Variants in RIMS2 observed in about 807,000 individuals in gnomAD.
RIMS2 encodes regulating synaptic membrane exocytosis protein 2.
RIMS2 carries 59 observed loss-of-function variants against 174.4 expected under a neutral mutation model. That is an observed-to-expected ratio of 0.34 (90% CI 0.27 to 0.42). The LOEUF is 0.42. Ranked by LOEUF, RIMS2 falls within the 10% of genes least tolerant of loss-of-function variation. RIMS2 has a pLI of 1.00. For missense variants in RIMS2, 1,620 were observed against 1,666.3 expected, an observed-to-expected ratio of 0.97 and a Z score of 0.48; for synonymous variants, 606 against 572.5, an observed-to-expected ratio of 1.06 and a Z score of -0.84.
chr8:103,697,242 C>G (rs1373003426), exon 2 of RIMS2: 2 of 1,613,738 alleles, frequency 1.2e-6, no homozygotes, highest in African/African-American at 1.3e-5. Flanking sequence ...GTTCATATTG[C>G]CAAACAAAGT....
chr8:103,727,053 T>G (rs1232610833), intron 2 of RIMS2, among the ~76,000 whole-genome samples: 1 of 151,766 alleles, frequency 6.6e-6, no homozygotes, highest in East Asian at 1.9e-4. Flanking sequence ...ATGTATTTCT[T>G]AATAATTTTA....
chr8:104,161,050 C>T (rs578217809), intron 19 of RIMS2, among the ~76,000 whole-genome samples: 4 of 152,284 alleles, frequency 2.6e-5, no homozygotes, highest in Admixed American at 2.0e-4. Context: ...ACTCTATCCT[C>T]CTACTCCATG....
chr8:103,757,529 G>T (rs891156169), intron 2 of RIMS2, among the ~76,000 whole-genome samples: 30 of 151,994 alleles, frequency 2.0e-4, no homozygotes, highest in Non-Finnish European at 3.8e-4. Context: ...TTCCACTTGT[G>T]CTATTGGGCT....
At chr8:104,164,854 T>A (rs983461525) in intron 19 of RIMS2, among the ~76,000 whole-genome samples, 9 of 152,126 alleles carry the variant, frequency 5.9e-5, no homozygotes, top group Admixed American at 4.6e-4. Context: ...TAATGGGTAC[T>A]AGGCTTAATA....
At chr8:103,642,904 C>T (rs2096258126) in intron 1 of RIMS2, among the ~76,000 whole-genome samples, 1 of 151,834 alleles carries the variant, frequency 6.6e-6, no homozygotes. Flanking sequence ...TTTTGATATT[C>T]ATCCTGTTTG....
At chr8:103,836,461 C>T (rs899971879) in intron 3 of RIMS2, among the ~76,000 whole-genome samples, 1 of 152,038 alleles carries the variant, frequency 6.6e-6, no homozygotes, top group Non-Finnish European at 1.5e-5. Context: ...GCTTGGGAGG[C>T]GGATGCAGGA....
At chr8:103,840,262 C>T (rs1172191589) in intron 3 of RIMS2, among the ~76,000 whole-genome samples, 1 of 152,130 alleles carries the variant, frequency 6.6e-6, no homozygotes, top group Non-Finnish European at 1.5e-5. Flanking sequence ...CTTGACTCCT[C>T]CAGTTTGTGG....
At chr8:103,931,860 T>C (rs1291718625) in intron 12 of RIMS2, among the ~76,000 whole-genome samples, 1 of 152,146 alleles carries the variant, frequency 6.6e-6, no homozygotes, top group Non-Finnish European at 1.5e-5. Context: ...CAAGTTGTTT[T>C]GTATCATCAC....
intron 3 of RIMS2, chr8:103,819,555 T>G (rs1015856731): frequency 6.2e-7 from 1 of 1,613,650 alleles, no homozygotes; most frequent in Non-Finnish European, 8.5e-7. Context: ...TTTTATCTCA[T>G]TTTCATGGGG....
chr8:104,000,768 G>C (rs1324761625), intron 17 of RIMS2, among the ~76,000 whole-genome samples: 1 of 151,798 alleles, frequency 6.6e-6, no homozygotes, highest in East Asian at 1.9e-4. Context: ...TGGGTGAAAT[G>C]ATATCTCATT....
intron 14 of RIMS2, among the ~76,000 whole-genome samples, chr8:103,944,085 C>T (rs1443710963): frequency 6.6e-6 from 1 of 151,958 alleles, no homozygotes; most frequent in African/African-American, 2.4e-5. Flanking sequence ...GAATTATTTT[C>T]ACTCCTTTTT....
intron 22 of RIMS2, 73 bp from the exon 29 acceptor site, chr8:104,250,950 TA>T (rs1229557858): frequency 3.0e-6 from 4 of 1,317,502 alleles, no homozygotes; most frequent in African/African-American, 2.9e-5. Flanking sequence ...ACTAAACTGG[TA>T]AATGTCACCG....
intron 1 of RIMS2, among the ~76,000 whole-genome samples, chr8:103,562,241 T>G (rs1181561071): frequency 6.6e-6 from 1 of 152,136 alleles, no homozygotes; most frequent in Non-Finnish European, 1.5e-5. Flanking sequence ...CAATCCAAAG[T>G]CTCATCTGAG....
intron 1 of RIMS2, among the ~76,000 whole-genome samples, chr8:103,502,906 A>G (rs1267468404): frequency 1.3e-5 from 2 of 152,032 alleles, no homozygotes; most frequent in Admixed American, 6.5e-5. Flanking sequence ...GACTTTAAGT[A>G]TTAGGATTAT....
chr8:104,117,758 A>C (rs1338672735), intron 19 of RIMS2, among the ~76,000 whole-genome samples: 8 of 152,182 alleles, frequency 5.3e-5, no homozygotes, highest in Non-Finnish European at 4.4e-5. Context: ...AGAAACCCTA[A>C]TATCTTAATG....
At chr8:104,095,864 C>T (rs1411601354) in intron 19 of RIMS2, among the ~76,000 whole-genome samples, 2 of 152,032 alleles carry the variant, frequency 1.3e-5, no homozygotes, top group African/African-American at 4.8e-5. Context: ...TAGAACTCTA[C>T]CCATTGAGTA....
rs1248379484 is a variant in RIMS2 at position 104,204,420 on chromosome 8, C to T, written c.3335-40496C>T. ...TTACTTAATCGAAAACCTGTCTTAACATGATGCTGTTATTTTAGTGTGTAG... is the reference window on the plus strand; with the variant it reads ...TTACTTAATCGAAAACCTGTCTTAATATGATGCTGTTATTTTAGTGTGTAG... On this transcript the variant is annotated intron_variant, in intron 19 of 23. Transcript: ENST00000504942. Among the ~76,000 whole-genome samples, 3 of 151,870 alleles carry T rather than the reference C, an allele frequency of 2.0e-5. No homozygotes were observed. In the Admixed American group the frequency reaches 2.0e-4, roughly 10 times the overall value.
chr8:103,609,577 T>C (rs1214069679), intron 1 of RIMS2, among the ~76,000 whole-genome samples: 5 of 152,154 alleles, frequency 3.3e-5, no homozygotes, highest in East Asian at 1.9e-4. Flanking sequence ...GCAAACACTA[T>C]AGTCAGTTAT....
intron 1 of RIMS2, among the ~76,000 whole-genome samples, chr8:103,651,265 G>A (rs1255355635): frequency 1.3e-5 from 2 of 152,194 alleles, no homozygotes; most frequent in East Asian, 3.8e-4. Flanking sequence ...TTTGTTCTCT[G>A]AGGGTCAAGT....
Sources: gnomAD v4.1 joint callset for allele counts (sites outside exome capture counted in the v4.1 genomes callset) on GRCh38, gnomAD v4.1.1 for gene constraint, MANE v1.5 for transcripts, NCBI Gene and HGNC (gene_info 2026-07-23, HGNC 2026-07-21) for gene names.